The following ATXN2 variants were observed in gnomAD, a reference collection of about 807,000 sequenced individuals.
ATXN2 encodes ataxin-2.
A neutral mutation model predicts 138.6 loss-of-function variants in ATXN2; 37 were observed. The ratio of observed to expected loss-of-function variants is 0.27; its 90% CI spans 0.21 to 0.35. The LOEUF (loss-of-function observed/expected upper bound fraction) is 0.35. Ranked by LOEUF, ATXN2 falls within the 10% of genes least tolerant of loss-of-function variation. The probability of loss-of-function intolerance (pLI) is 1.00; values close to 1 mark genes in which losing one functional copy is unlikely to be tolerated. For synonymous variants in ATXN2, 549 were observed against 543.7 expected (o/e 1.01, Z -0.13); for missense variants, 1,216 against 1,480.3 (o/e 0.82, Z 2.93).
chr12:111,567,642 C>T (rs1883088945), intron 1 of ATXN2, among the ~76,000 whole-genome samples: 1 of 151,910 alleles, frequency 6.6e-6, no homozygotes, highest in Non-Finnish European at 1.5e-5. Context: ...GGTGAAACCC[C>T]ATCTCTACTA....
At position 111,597,822 on chromosome 12, in the gene ATXN2, G is replaced by A. The variant is rs1435699528; in HGVS notation, c.251+962C>T. 7 of 1,263,076 alleles carry A rather than the reference G, an allele frequency of 5.5e-6. No individual in the cohort carries two copies. The Admixed American group carries it at 9.2e-5, about 17-fold the overall frequency. The allele number at this position is 1,263,076 out of a possible 1,614,324, so 78.2% of individuals were successfully genotyped here. The stretch of plus-strand genomic sequence containing the variant: ...TCCTAGCATTTCCGAAATTGGGGCG[G>A]GGGTTGGGATAAGTGCGCAGGGTGC... On this transcript the variant is annotated intron_variant, in intron 1 of 24. Transcript: ENST00000673436.
chr12:111,549,013 C>T (rs1161930224), intron 5 of ATXN2, among the ~76,000 whole-genome samples: 5 of 152,146 alleles, frequency 3.3e-5, no homozygotes, highest in African/African-American at 4.8e-5. Context: ...AGCCACCGCA[C>T]CTGGCCTAGA....
At chr12:111,553,142 T>C (rs986805019) in intron 3 of ATXN2, among the ~76,000 whole-genome samples, 165 bp from the exon 4 acceptor site, 2 of 152,192 alleles carry the variant, frequency 1.3e-5, no homozygotes, top group Non-Finnish European at 2.9e-5. Flanking sequence ...CACTGAACTC[T>C]TGAAATTCTT....
intron 16 of ATXN2, among the ~76,000 whole-genome samples, chr12:111,486,550 G>T (rs1455595116): frequency 6.6e-6 from 1 of 152,036 alleles, no homozygotes; most frequent in African/African-American, 2.4e-5. Flanking sequence ...GAAATTCAAA[G>T]ATTTGCCCAA....
At chr12:111,566,201 G>C (rs1882994234) in intron 1 of ATXN2, among the ~76,000 whole-genome samples, 1 of 152,090 alleles carries the variant, frequency 6.6e-6, no homozygotes, top group Non-Finnish European at 1.5e-5. Context: ...GGAAGGCCGA[G>C]GCAGGCAGAT....
At chr12:111,479,008 CA>C (rs534999195) in intron 18 of ATXN2, 103 of 281,870 alleles carry the variant, frequency 3.7e-4, no homozygotes, top group East Asian at 7.0e-4. Context: ...GACTTCATCT[CA>C]AAAAAAATAA....
At position 111,455,231 on chromosome 12, in the gene ATXN2, G is replaced by A; in HGVS notation, c.3270+798C>T. On this transcript the variant is annotated intron_variant, in intron 23 of 24. Coordinates refer to ENST00000673436, the MANE Select transcript of ATXN2 (RefSeq NM_001372574.1). The stretch of plus-strand genomic sequence containing the variant: ...TAATACAGCCAATTCACCCGTAACA[G>A]CCCCAGGGAGGGCCTCAAGGCCAGC... 5 of 669,864 alleles carry A rather than the reference G, an allele frequency of 7.5e-6. No homozygotes were observed. The South Asian group carries it at 7.7e-5, about 10-fold the overall frequency. 41.5% of individuals were successfully genotyped at this position (669,864 alleles called of 1,614,324 possible).
At chr12:111,553,604 A>AAATTTTTTT (rs1882237738) in intron 3 of ATXN2, among the ~76,000 whole-genome samples, 17 of 85,004 alleles carry the variant, frequency 2.0e-4, no homozygotes, top group African/African-American at 1.1e-3. Context: ...AAAAAAAAAA[A>AAATTTTTTT]TTTTTTTTTT....
intron 5 of ATXN2, among the ~76,000 whole-genome samples, chr12:111,550,062 C>CA (rs11360314): frequency 0.15 from 12,151 of 78,572 alleles, 1,367 homozygotes; most frequent in East Asian, 0.65. Context: ...ACTCCGTCTC[C>CA]AAAAAAAAAA....
upstream of ATXN2, chr12:111,599,518 A>C (rs1422110692): frequency 3.3e-6 from 4 of 1,207,890 alleles, no homozygotes; most frequent in Non-Finnish European, 3.1e-6. Flanking sequence ...AGCGCATCGG[A>C]GGGCGGGCGC....
intron 1 of ATXN2, among the ~76,000 whole-genome samples, chr12:111,570,391 TCTC>T (rs751807691): frequency 5.2e-4 from 79 of 152,294 alleles, no homozygotes; most frequent in Admixed American, 7.2e-4. Flanking sequence ...ATCCAGCTGT[TCTC>T]TTTCTAAATA....
At chr12:111,532,744 C>G (rs1880905088) in intron 5 of ATXN2, among the ~76,000 whole-genome samples, 3 of 151,856 alleles carry the variant, frequency 2.0e-5, no homozygotes, top group Non-Finnish European at 4.4e-5. Flanking sequence ...GGTGAAGAAT[C>G]CTGCCTCTTT....
chr12:111,555,731 A>G (rs1882355124), intron 2 of ATXN2, 152 bp downstream of exon 2: 1 of 601,138 alleles, frequency 1.7e-6, no homozygotes, highest in East Asian at 3.2e-5. Context: ...TCATTAAAAA[A>G]ACACATATAG....
At chr12:111,557,328 T>C in intron 1 of ATXN2, among the ~76,000 whole-genome samples, 1 of 152,202 alleles carries the variant, frequency 6.6e-6, no homozygotes, top group East Asian at 1.9e-4. Context: ...TCTCCAACTC[T>C]GTCACTTTTC....
chr12:111,525,185 T>C lies in ATXN2; in HGVS notation c.696+7A>G. The C allele has an allele frequency of 6.2e-7, 1 of 1,606,946 alleles. No homozygotes were observed. Among genetic ancestry groups the C allele is most frequent in the South Asian group, 1.1e-5 (1 of 89,500 alleles). On this transcript the variant is annotated splice_region_variant and intron_variant, in intron 6 of 24. Transcript: ENST00000673436. ...AGTCTAGCAATAATTACAAAGATGT[T>C]ACTTACTACGTCATTTTCCAAAGCC...
At chr12:111,546,031 T>C (rs1437250518) in intron 5 of ATXN2, among the ~76,000 whole-genome samples, 2 of 151,808 alleles carry the variant, frequency 1.3e-5, no homozygotes. Context: ...TAGTGGTTAG[T>C]TGATGGAGAT....
chr12:111,519,615 C>T (rs1056084742), intron 8 of ATXN2, among the ~76,000 whole-genome samples: 16 of 152,178 alleles, frequency 1.1e-4, no homozygotes, highest in Admixed American at 2.6e-4. Context: ...ACGTGTCCCC[C>T]ACCAGATAAC....
At chr12:111,532,642 G>A (rs894967810) in intron 5 of ATXN2, among the ~76,000 whole-genome samples, 21 of 152,132 alleles carry the variant, frequency 1.4e-4, no homozygotes, top group African/African-American at 5.1e-4. Flanking sequence ...TCACTTGAAG[G>A]TTAGTGTAAA....
At chr12:111,553,908 C>T (rs1322190035) in intron 3 of ATXN2, among the ~76,000 whole-genome samples, 2 of 152,114 alleles carry the variant, frequency 1.3e-5, no homozygotes, top group East Asian at 3.9e-4. Context: ...GCCTTTTTAA[C>T]AAATATTTTT....
Sources: allele counts gnomAD v4.1 joint callset (sites outside exome capture counted in the v4.1 genomes callset), GRCh38; gene constraint gnomAD v4.1.1; transcripts MANE v1.5; gene names NCBI Gene and HGNC (gene_info 2026-07-23, HGNC 2026-07-21).